The following SCN11A variants were observed in gnomAD, a reference collection of about 807,000 sequenced individuals.
The protein encoded by SCN11A is sodium voltage-gated channel alpha subunit 11.
SCN11A carries 122 observed loss-of-function variants against 162.2 expected under a neutral mutation model. The ratio of observed to expected loss-of-function variants is 0.75; its 90% CI spans 0.65 to 0.87. SCN11A has a LOEUF of 0.87. Among genes scored for constraint, SCN11A ranks in the 40% least tolerant of loss-of-function variants. SCN11A has a pLI of 0.00. For missense variants in SCN11A, 2,015 were observed against 2,181.6 expected, an observed-to-expected ratio of 0.92 and a Z score of 1.52; for synonymous variants, 758 against 751.5, an observed-to-expected ratio of 1.01 and a Z score of -0.14.
At chr3:38,932,679 A>G (rs1369149919) in intron 7 of SCN11A, among the ~76,000 whole-genome samples, 2 of 152,318 alleles carry the variant, frequency 1.3e-5, no homozygotes, top group East Asian at 1.9e-4. Flanking sequence ...AGGGGCACCC[A>G]CCATTGCCCA....
chr3:38,873,020 T>C (rs2065154169), intron 23 of SCN11A, among the ~76,000 whole-genome samples: 1 of 152,210 alleles, frequency 6.6e-6, no homozygotes, highest in African/African-American at 2.4e-5. Flanking sequence ...TTAAATGCTA[T>C]TTTCTCTCCC....
rs149107806 is a variant in SCN11A at position 38,876,708 on chromosome 3, T to C, written c.3393+3242A>G. Among the ~76,000 whole-genome samples the C allele has an allele frequency of 1.6e-3, 238 of 151,964 alleles. 2 individuals are homozygous for C. The highest frequency in any genetic ancestry group is 2.6e-3 in the Non-Finnish European group (175 of 67,800). On this transcript the variant is annotated intron_variant, in intron 23 of 29. Transcript: ENST00000302328. ...GGCACTAATCAAAAAATGATAGATG[T>C]TGGCGTGGATGTGGTGAAAAGAGAA...
In SCN11A at chr3:38,929,903, T is replaced by C. The variant is rs74527749; in HGVS notation, c.489-2972A>G. ...TCACCAGATACAGACCCTTTGATCT[T>C]GGACTTCCCAGTCTCCAGAACTGTA... is the stretch of plus-strand genomic sequence containing the variant. On this transcript the variant is annotated intron_variant, in intron 7 of 29. Coordinates refer to ENST00000302328, the MANE Select transcript of SCN11A (RefSeq NM_001349253.2). Among the ~76,000 whole-genome samples, 135 of 152,320 alleles carry C rather than the reference T, an allele frequency of 8.9e-4. 2 individuals are homozygous for C. In the East Asian group the frequency reaches 0.023, roughly 26 times the overall value.
intron 1 of SCN11A, among the ~76,000 whole-genome samples, chr3:39,036,726 C>A (rs1025659917): frequency 3.3e-5 from 5 of 152,090 alleles, no homozygotes; most frequent in African/African-American, 1.2e-4. Context: ...AGAAGACATA[C>A]GAATGAAAAG....
chr3:38,968,406 C>A (rs144995271), intron 2 of SCN11A, among the ~76,000 whole-genome samples: 42 of 152,330 alleles, frequency 2.8e-4, no homozygotes, highest in Admixed American at 9.8e-4. Context: ...CAGGGAGAAG[C>A]AATCCCTAAA....
intron 8 of SCN11A, among the ~76,000 whole-genome samples, chr3:38,926,510 T>C (rs949284621): frequency 2.0e-5 from 3 of 151,822 alleles, no homozygotes; most frequent in Admixed American, 6.6e-5. Flanking sequence ...TTTAATTTCA[T>C]TGGCACACCC....
chr3:39,009,404 A>ATG (rs1359886856), intron 2 of SCN11A, among the ~76,000 whole-genome samples: 4 of 151,220 alleles, frequency 2.6e-5, no homozygotes, highest in African/African-American at 9.7e-5. Flanking sequence ...GCATATATAT[A>ATG]TGTGTGTGTC....
At chr3:38,868,834 A>G (rs2065081180) in intron 26 of SCN11A, among the ~76,000 whole-genome samples, 1 of 152,234 alleles carries the variant, frequency 6.6e-6, no homozygotes, top group South Asian at 2.1e-4. Flanking sequence ...GGCTGACTTA[A>G]GAGATTTGAG....
At chr3:38,952,686 A>G (rs966082621) in intron 4 of SCN11A, among the ~76,000 whole-genome samples, 1 of 152,256 alleles carries the variant, frequency 6.6e-6, no homozygotes, top group Non-Finnish European at 1.5e-5. Flanking sequence ...AGGCGTCTCA[A>G]CAGGGAATCA....
At chr3:38,998,624 A>T in intron 2 of SCN11A, among the ~76,000 whole-genome samples, 1 of 152,166 alleles carries the variant, frequency 6.6e-6, no homozygotes. Context: ...TTATTGCGAC[A>T]CTATTCACAA....
At chr3:38,922,361 T>C (rs1043064157) in intron 9 of SCN11A, among the ~76,000 whole-genome samples, 6 of 152,234 alleles carry the variant, frequency 3.9e-5, no homozygotes, top group Non-Finnish European at 8.8e-5. Flanking sequence ...GATTTTAATC[T>C]ATAACAAGAG....
chr3:38,982,822 T>C (rs1014648197), intron 2 of SCN11A, among the ~76,000 whole-genome samples: 1 of 152,130 alleles, frequency 6.6e-6, no homozygotes, highest in Non-Finnish European at 1.5e-5. Context: ...TGTAACATCT[T>C]CCAATAAATG....
At chr3:38,903,345 T>C (rs2065734482) in intron 16 of SCN11A, among the ~76,000 whole-genome samples, 3 of 152,104 alleles carry the variant, frequency 2.0e-5, no homozygotes, top group Admixed American at 2.0e-4. Context: ...ATGAGAAACA[T>C]ATTGAAGCAG....
intron 2 of SCN11A, among the ~76,000 whole-genome samples, chr3:38,975,139 A>G (rs1427061518): frequency 6.6e-6 from 1 of 150,710 alleles, no homozygotes; most frequent in Non-Finnish European, 1.5e-5. Flanking sequence ...TATTTCAAAA[A>G]ACGACAGTAA....
At chr3:38,879,672 A>G (rs1351127884) in intron 23 of SCN11A, among the ~76,000 whole-genome samples, 3 of 152,216 alleles carry the variant, frequency 2.0e-5, no homozygotes, top group African/African-American at 7.2e-5. Context: ...TATTATACAT[A>G]AACAGTGCTT....
intron 1 of SCN11A, among the ~76,000 whole-genome samples, chr3:39,049,208 T>A (rs1160354693): frequency 6.6e-6 from 1 of 152,154 alleles, no homozygotes; most frequent in Non-Finnish European, 1.5e-5. Context: ...TCAAAAAGGG[T>A]TATCTCCCAG....
chr3:38,981,471 A>G, intron 2 of SCN11A, among the ~76,000 whole-genome samples: 1 of 152,076 alleles, frequency 6.6e-6, no homozygotes, highest in East Asian at 1.9e-4. Flanking sequence ...CAAGGTGGCC[A>G]GTGCCTCCGG....
intron 21 of SCN11A, among the ~76,000 whole-genome samples, chr3:38,884,737 G>C (rs1274064698): frequency 1.3e-5 from 2 of 152,210 alleles, no homozygotes; most frequent in South Asian, 2.1e-4. Context: ...TTTTGTTCCA[G>C]ATGCTCTTCT....
intron 11 of SCN11A, among the ~76,000 whole-genome samples, chr3:38,917,948 T>G (rs1056371267): frequency 1.6e-4 from 24 of 152,342 alleles, no homozygotes; most frequent in Admixed American, 7.2e-4. Flanking sequence ...AAGCATGGTA[T>G]GTGTCCTCTG....
Sources: gnomAD v4.1 joint callset for allele counts (sites outside exome capture counted in the v4.1 genomes callset) on GRCh38, gnomAD v4.1.1 for gene constraint, MANE v1.5 for transcripts, NCBI Gene and HGNC (gene_info 2026-07-23, HGNC 2026-07-21) for gene names.